Variants in UTRN observed in about 807,000 individuals in gnomAD.
The protein encoded by UTRN is dystrophin-related protein 1.
In UTRN, 283 loss-of-function variants were observed where a neutral mutation model predicts 463.9. That is an observed-to-expected ratio of 0.61 (90% CI 0.55 to 0.67). UTRN has a LOEUF of 0.67. Among genes scored for constraint, UTRN ranks in the 30% least tolerant of loss-of-function variants. The pLI, the probability that UTRN is intolerant of heterozygous loss-of-function variation, is 0.00. For missense variants in UTRN, 3,922 were observed against 4,084.3 expected (o/e 0.96, Z 1.08); for synonymous variants, 1,442 against 1,431.5 (o/e 1.01, Z -0.17).
intron 39 of UTRN, among the ~76,000 whole-genome samples, chr6:144,521,158 T>C (rs969358996): frequency 1.1e-4 from 16 of 152,062 alleles, no homozygotes; most frequent in Non-Finnish European, 2.1e-4. Context: ...TGATGGTGCA[T>C]GCTTGTAATC....
chr6:144,408,071 G>T (rs1377231458), intron 3 of UTRN, among the ~76,000 whole-genome samples: 1 of 152,034 alleles, frequency 6.6e-6, no homozygotes, highest in African/African-American at 2.4e-5. Flanking sequence ...TCCTTATATC[G>T]TGAAGAAATA....
At chr6:144,480,160 G>A (rs1791697216) in intron 26 of UTRN, among the ~76,000 whole-genome samples, 178 bp downstream of exon 26, 1 of 152,174 alleles carries the variant, frequency 6.6e-6, no homozygotes, top group Non-Finnish European at 1.5e-5. Flanking sequence ...GGGGAAGAAA[G>A]CCAGGAGTCC....
intron 53 of UTRN, among the ~76,000 whole-genome samples, 194 bp downstream of exon 53, chr6:144,700,437 C>T (rs1024009054): frequency 7.9e-5 from 12 of 151,606 alleles, no homozygotes; most frequent in Non-Finnish European, 1.5e-4. Flanking sequence ...TCACATTTAA[C>T]TAAATTTTTT....
At chr6:144,381,772 C>T (rs1584526128) in intron 2 of UTRN, among the ~76,000 whole-genome samples, 2 of 152,222 alleles carry the variant, frequency 1.3e-5, no homozygotes, top group East Asian at 3.8e-4. Context: ...CTTCCCCAGC[C>T]ACATGGAACT....
chr6:144,715,069 C>G (rs1562806134), intron 53 of UTRN, among the ~76,000 whole-genome samples: 1 of 152,100 alleles, frequency 6.6e-6, no homozygotes, highest in African/African-American at 2.4e-5. Flanking sequence ...ATCTATATGC[C>G]AAGCACTCCC....
At chr6:144,845,930 C>G (rs1033064491) in intron 73 of UTRN, among the ~76,000 whole-genome samples, 1 of 152,034 alleles carries the variant, frequency 6.6e-6, no homozygotes, top group Non-Finnish European at 1.5e-5. Flanking sequence ...TGTCCTTTCT[C>G]CCACTCAGCA....
chr6:144,604,910 G>A (rs887364335), intron 51 of UTRN, among the ~76,000 whole-genome samples: 27 of 151,470 alleles, frequency 1.8e-4, no homozygotes, highest in African/African-American at 4.9e-4. Flanking sequence ...AGCGAAACTC[G>A]GTCTCAAAAT....
chr6:144,384,694 C>T (rs911698888), intron 2 of UTRN, among the ~76,000 whole-genome samples: 1 of 152,186 alleles, frequency 6.6e-6, no homozygotes, highest in Non-Finnish European at 1.5e-5. Flanking sequence ...TCACTTAGCA[C>T]ACTGTCCTCC....
chr6:144,592,767 C>T lies in UTRN; in HGVS notation c.7479+15479C>T, dbSNP rs539420825. ...GCTTGAATGCCTGATTTCTTGTATC[C>T]TCACAGACAATAGGCAATACCAATT... On this transcript the variant is annotated intron_variant, in intron 51 of 74. Transcript: ENST00000367545. 3.3e-5 allele frequency among the ~76,000 whole-genome samples: 5 copies of T among 152,236 alleles called. No homozygotes were observed. The South Asian group carries it at 8.3e-4, about 25-fold the overall frequency.
At chr6:144,329,454 G>C (rs997973007) in intron 2 of UTRN, among the ~76,000 whole-genome samples, 1 of 152,186 alleles carries the variant, frequency 6.6e-6, no homozygotes, top group African/African-American at 2.4e-5. Flanking sequence ...TACTGAAAAA[G>C]TCTGTGAGAG....
intron 50 of UTRN, among the ~76,000 whole-genome samples, chr6:144,560,455 C>G (rs1799766586): frequency 6.6e-6 from 1 of 152,048 alleles, no homozygotes; most frequent in Non-Finnish European, 1.5e-5. Flanking sequence ...CAGTACGTGG[C>G]CATCACACCC....
At chr6:144,566,149 AC>A (rs1350909533) in intron 50 of UTRN, among the ~76,000 whole-genome samples, 1 of 152,204 alleles carries the variant, frequency 6.6e-6, no homozygotes, top group Non-Finnish European at 1.5e-5. Context: ...ATGTACGTGA[AC>A]TAGACCATTA....
At chr6:144,826,322 T>A (rs1444168367) in intron 66 of UTRN, among the ~76,000 whole-genome samples, 1 of 152,150 alleles carries the variant, frequency 6.6e-6, no homozygotes, top group African/African-American at 2.4e-5. Flanking sequence ...GCATTATAGA[T>A]ACCTACTTTC....
intron 51 of UTRN, among the ~76,000 whole-genome samples, chr6:144,613,496 G>T (rs936676120): frequency 2.0e-5 from 3 of 152,018 alleles, no homozygotes; most frequent in Non-Finnish European, 4.4e-5. Context: ...TACCACTATG[G>T]TTTTTCAATT....
intron 3 of UTRN, among the ~76,000 whole-genome samples, chr6:144,409,543 G>T (rs767370806): frequency 5.9e-5 from 9 of 152,134 alleles, no homozygotes; most frequent in South Asian, 2.1e-4. Flanking sequence ...TCAGAGATGG[G>T]CTCTGGTGGT....
chr6:144,742,634 T>G (rs1790236579), intron 54 of UTRN, among the ~76,000 whole-genome samples: 1 of 152,112 alleles, frequency 6.6e-6, no homozygotes, highest in Non-Finnish European at 1.5e-5. Flanking sequence ...TATAAAATAG[T>G]AAAAAGGAAT....
chr6:144,288,741 ACT>A (rs1224285624), intron 1 of UTRN, among the ~76,000 whole-genome samples: 7 of 146,250 alleles, frequency 4.8e-5, no homozygotes, highest in Non-Finnish European at 1.1e-4. Flanking sequence ...TTTATATCCA[ACT>A]CTCTCTCTCT....
At chr6:144,352,733 G>T (rs1226518018) in intron 2 of UTRN, among the ~76,000 whole-genome samples, 1 of 152,096 alleles carries the variant, frequency 6.6e-6, no homozygotes, top group Admixed American at 6.5e-5. Context: ...AAAAATAAAA[G>T]GTCGTTCAAG....
At chr6:144,480,064 T>C in intron 26 of UTRN, 82 bp downstream of exon 26, 1 of 1,478,016 alleles carries the variant, frequency 6.8e-7, no homozygotes, top group East Asian at 2.3e-5. Context: ...TCTGTCTATC[T>C]GTCAAACACT....
Sources: gnomAD v4.1 joint callset for allele counts (sites outside exome capture counted in the v4.1 genomes callset) on GRCh38, gnomAD v4.1.1 for gene constraint, MANE v1.5 for transcripts, NCBI Gene and HGNC (gene_info 2026-07-23, HGNC 2026-07-21) for gene names.